Variants in RRBP1 observed in about 807,000 individuals in gnomAD.
RRBP1 encodes ribosome binding protein 1.
In RRBP1, 94 loss-of-function variants were observed where a neutral mutation model predicts 165.2. The ratio of observed to expected loss-of-function variants is 0.57; its 90% CI spans 0.48 to 0.68. The LOEUF is 0.68. Ranked by LOEUF, RRBP1 falls within the 30% of genes least tolerant of loss-of-function variation. The pLI is 0.00. For missense variants in RRBP1, 1,676 were observed against 1,763.0 expected (o/e 0.95, Z 0.88); for synonymous variants, 680 against 714.5 (o/e 0.95, Z 0.77).
intron 13 of RRBP1, among the ~76,000 whole-genome samples, chr20:17,622,414 G>A (rs1239494314): frequency 6.6e-6 from 1 of 152,114 alleles, no homozygotes; most frequent in Non-Finnish European, 1.5e-5. Flanking sequence ...GGGGGTGAAG[G>A]CAGGGAAGCA....
At chr20:17,629,767 G>C (rs1198082648) in intron 9 of RRBP1, 56 bp downstream of exon 9, 2 of 1,534,786 alleles carry the variant, frequency 1.3e-6, no homozygotes, top group African/African-American at 1.4e-5. Context: ...GGCTGGGCCG[G>C]CATGCAGACC....
chr20:17,675,569 C>T (rs925298995), intron 2 of RRBP1, among the ~76,000 whole-genome samples: 1 of 152,106 alleles, frequency 6.6e-6, no homozygotes, highest in African/African-American at 2.4e-5. Flanking sequence ...GGGAGAGCGT[C>T]AGAGGCTGAC....
chr20:17,627,735 T>C, intron 9 of RRBP1, 53 bp from the exon 10 acceptor site: 1 of 1,506,250 alleles, frequency 6.6e-7, no homozygotes, highest in South Asian at 1.3e-5. Context: ...CCCCAGGGGG[T>C]GTGGAGGATG....
chr20:17,636,501 CCT>C, intron 6 of RRBP1, 74 bp downstream of exon 6: 6 of 1,540,966 alleles, frequency 3.9e-6, no homozygotes, highest in Non-Finnish European at 5.3e-6. Context: ...ACCCTTTGGG[CCT>C]CTCTGGCTCC....
intron 9 of RRBP1, 90 bp from the exon 10 acceptor site, chr20:17,627,772 G>T: frequency 1.5e-6 from 2 of 1,308,016 alleles, no homozygotes; most frequent in Non-Finnish European, 2.1e-6. Context: ...CTTAGCACAT[G>T]TGGGGCACCG....
chr20:17,619,853 G>A (rs948270833), intron 18 of RRBP1, 125 bp from the exon 19 acceptor site: 11 of 617,656 alleles, frequency 1.8e-5, no homozygotes, highest in Admixed American at 1.4e-4. Flanking sequence ...AGGCCCACCA[G>A]CTACCAAGCA....
intron 3 of RRBP1, among the ~76,000 whole-genome samples, chr20:17,645,766 T>C (rs1390124249): frequency 6.6e-6 from 1 of 152,234 alleles, no homozygotes; most frequent in Admixed American, 6.5e-5. Context: ...TCTTCCGAAT[T>C]GTGAAATCTT....
At chr20:17,673,169 G>A (rs893312835) in intron 2 of RRBP1, among the ~76,000 whole-genome samples, 1 of 152,102 alleles carries the variant, frequency 6.6e-6, no homozygotes, top group Non-Finnish European at 1.5e-5. Flanking sequence ...TGGAAAACGC[G>A]CCCCACAGAT....
rs751551182 is a variant in RRBP1, at chr20:17,637,466, C to T, written c.2185-737G>A. ...ATGAGCCCCTGGGGTGGGGGTGTTC[C>T]CTGTCTAGCAGGCCTGGACAGACCA... On this transcript the variant is annotated intron_variant, in intron 5 of 24. Coordinates refer to ENST00000377813, the MANE Select transcript of RRBP1 (RefSeq NM_001365613.2). 2.6e-4 allele frequency among the ~76,000 whole-genome samples: 39 copies of T among 152,144 alleles called. 1 individual carries two copies. Among genetic ancestry groups the T allele is most frequent in the Admixed American group, 5.2e-4 (8 of 15,278 alleles).
intron 2 of RRBP1, among the ~76,000 whole-genome samples, chr20:17,676,605 A>G (rs945921989): frequency 1.3e-5 from 2 of 152,144 alleles, no homozygotes; most frequent in African/African-American, 4.8e-5. Flanking sequence ...AGCACATAAC[A>G]TATATTGGGG....
intron 6 of RRBP1, 21 bp from the exon 7 acceptor site, chr20:17,635,685 G>C: frequency 6.3e-7 from 1 of 1,578,976 alleles, no homozygotes; most frequent in Non-Finnish European, 8.7e-7. Flanking sequence ...ACGGGCAAGG[G>C]CATCAGAGGC....
intron 2 of RRBP1, among the ~76,000 whole-genome samples, chr20:17,661,787 G>A (rs1291681282): frequency 6.6e-6 from 1 of 152,164 alleles, no homozygotes; most frequent in African/African-American, 2.4e-5. Context: ...CTGGGTCCAG[G>A]CTGCTTAGTG....
intron 20 of RRBP1, among the ~76,000 whole-genome samples, chr20:17,617,094 T>C (rs1454292590): frequency 1.3e-5 from 2 of 152,164 alleles, no homozygotes; most frequent in African/African-American, 4.8e-5. Context: ...GAGCCCTCCC[T>C]GGGAGTGAGG....
intron 20 of RRBP1, among the ~76,000 whole-genome samples, chr20:17,618,140 T>C (rs2035837148): frequency 6.6e-6 from 1 of 152,196 alleles, no homozygotes; most frequent in South Asian, 2.1e-4. Context: ...ACTGAATTGA[T>C]CTGAGCTGTC....
At chr20:17,675,313 T>C (rs1358257224) in intron 2 of RRBP1, among the ~76,000 whole-genome samples, 2 of 152,232 alleles carry the variant, frequency 1.3e-5, no homozygotes, top group African/African-American at 4.8e-5. Context: ...TCCTTCAGGC[T>C]ACATGATATA....
At chr20:17,654,578 C>A (rs915912291) in intron 3 of RRBP1, among the ~76,000 whole-genome samples, 5 of 152,204 alleles carry the variant, frequency 3.3e-5, no homozygotes, top group African/African-American at 1.2e-4. Flanking sequence ...TAAATGCCTC[C>A]TTTCATCTGT....
In RRBP1 at chr20:17,635,563, C is replaced by G. The variant is rs574071853; in HGVS notation, c.2439G>C (p.Thr813=). 1.4e-5 allele frequency: 23 copies of G among 1,611,694 alleles called. No homozygotes were observed. In the South Asian group the frequency reaches 2.5e-4, roughly 18 times the overall value. Residue 813 remains threonine (T), a synonymous_variant, in exon 7 of 25, where the codon ACG becomes ACC. Coordinates refer to ENST00000377813, the MANE Select transcript of RRBP1 (RefSeq NM_001365613.2). ...CAGCTTACTTGCTCTCCACCTGGCT[C>G]GTGGCCTGGTTCAAGGCATCCCGCA... is the stretch of plus-strand genomic sequence containing the variant. ...SILRDALNQA[T]SQVESKQNAE...
rs769768141 is a variant in RRBP1, at chr20:17,624,662, G to A, written c.3061C>T (p.Arg1021Trp). 12 of 1,576,542 alleles carry A rather than the reference G, an allele frequency of 7.6e-6. No individual in the cohort carries two copies. The highest frequency in any genetic ancestry group is 4.6e-5 in the East Asian group (2 of 43,630). Reference protein sequence around the residue: ...EQQKVKNNDLREKNWKAMEAL... With the variant: ...EQQKVKNNDLWEKNWKAMEAL... ...TCCATGGCCTTCCAGTTCTTCTCCC[G>A]GAGGTCCTGGAGGGGACACAGGTGA... is the stretch of plus-strand genomic sequence containing the variant. Residue 1021 changes from arginine (R) to tryptophan (W), a missense_variant, in exon 13 of 25, where the codon CGG becomes TGG. By Grantham distance (101) the Arg-to-Trp change is moderately radical (BLOSUM62 -3). Coordinates refer to ENST00000377813, the MANE Select transcript of RRBP1 (RefSeq NM_001365613.2).
At chr20:17,661,401 G>A (rs1290831157) in intron 2 of RRBP1, among the ~76,000 whole-genome samples, 11 of 152,210 alleles carry the variant, frequency 7.2e-5, no homozygotes, top group Non-Finnish European at 1.5e-4. Context: ...TCCAGAAGCT[G>A]CACAGAGGGT....
Sources: allele counts gnomAD v4.1 joint callset (sites outside exome capture counted in the v4.1 genomes callset), GRCh38; gene constraint gnomAD v4.1.1; transcripts MANE v1.5; gene names NCBI Gene and HGNC (gene_info 2026-07-23, HGNC 2026-07-21).